The following XPNPEP2 variants were observed in gnomAD, a reference collection of about 807,000 sequenced individuals.
XPNPEP2 encodes X-prolyl aminopeptidase 2, also known as xaa-Pro aminopeptidase 2.
A neutral mutation model predicts 59.8 loss-of-function variants in XPNPEP2; 64 were observed. That is an observed-to-expected ratio of 1.07 (90% CI 0.87 to 1.32). The LOEUF (loss-of-function observed/expected upper bound fraction) is 1.32. Ranked by LOEUF, XPNPEP2 falls within the 40% of genes most tolerant of loss-of-function variation. The pLI is 0.00. For missense variants in XPNPEP2, 575 were observed against 546.8 expected (o/e 1.05, Z -0.51); for synonymous variants, 235 against 210.0 (o/e 1.12, Z -1.03).
chrX:129,762,299 A>G (rs1926671723), intron 18 of XPNPEP2, among the ~76,000 whole-genome samples: 1 of 111,481 alleles, frequency 9.0e-6, no homozygotes, highest in Non-Finnish European at 1.9e-5. Context: ...TCCCAGCTGT[A>G]TATTCAGACG....
intron 15 of XPNPEP2, 138 bp from the exon 16 acceptor site, chrX:129,760,374 A>AT (rs1926633414): frequency 1.6e-6 from 1 of 616,415 alleles, no homozygotes; most frequent in East Asian, 3.5e-5. Context: ...GCAGCCACAC[A>AT]TAACGATGAG....
At position 129,767,644 on chromosome X, in the gene XPNPEP2, G is replaced by C. The variant is rs758006076; in HGVS notation, c.1782G>C (p.Val594=). ...SYLTFEVVSF[V]PYDRNLIDVS... ...TGACCTTTGAAGTGGTATCATTTGT[G>C]CCCTATGACCGGAACCTCATCGATG... The change falls in exon 20 of 21, where the codon GTG becomes GTC. Residue 594 remains valine, a synonymous_variant. Transcript: ENST00000371106. The C allele has an allele frequency of 2.5e-6, 3 of 1,211,642 alleles. No homozygotes were observed. The highest frequency in any genetic ancestry group is 3.4e-6 in the Non-Finnish European group (3 of 895,473).
At chrX:129,745,314 G>A (rs751039803) in intron 4 of XPNPEP2, 48 bp downstream of exon 4, 2 of 1,196,505 alleles carry the variant, frequency 1.7e-6, no homozygotes, top group African/African-American at 1.7e-5. Context: ...AGATCCAGAG[G>A]TGGTCACAGA....
intron 2 of XPNPEP2, among the ~76,000 whole-genome samples, chrX:129,742,982 G>T (rs1167042125): frequency 1.8e-5 from 2 of 111,909 alleles, no homozygotes; most frequent in African/African-American, 3.2e-5. Context: ...GTGCAGACGA[G>T]GAAAAGGCCC....
At chrX:129,767,360 A>G (rs1178272686) in intron 19 of XPNPEP2, among the ~76,000 whole-genome samples, 1 of 112,375 alleles carries the variant, frequency 8.9e-6, no homozygotes, top group Non-Finnish European at 1.9e-5. Flanking sequence ...TTTGAAAAAC[A>G]CAAACCTAAG....
rs1255603142 is a variant in XPNPEP2, at chrX:129,768,338, T to A, written c.1878T>A (p.Gly626=). The part of the protein sequence containing the change: ...RYYQTIREKV[G]PELQRRQLLE... ...ACCAGACCATCCGGGAGAAGGTGGGTCCAGAGCTGCAGAGGCGCCAGCTAC... is the reference window on the plus strand; with the variant it reads ...ACCAGACCATCCGGGAGAAGGTGGGACCAGAGCTGCAGAGGCGCCAGCTAC... Residue 626 remains glycine (G), a synonymous_variant, in exon 21 of 21, where the codon GGT becomes GGA. Transcript: ENST00000371106. 4.1e-6 allele frequency: 5 copies of A among 1,205,043 alleles called. No homozygotes were observed. The highest frequency in any genetic ancestry group is 5.6e-6 in the Non-Finnish European group (5 of 892,607).
intron 1 of XPNPEP2, among the ~76,000 whole-genome samples, chrX:129,739,464 G>A (rs1219180222): frequency 9.0e-6 from 1 of 111,265 alleles, no homozygotes; most frequent in Non-Finnish European, 1.9e-5. Flanking sequence ...CATTCCCCCC[G>A]TTATAGAAAA....
rs781710834 is a variant in XPNPEP2 at position 129,767,655 on chromosome X, G to A, written c.1793G>A (p.Arg598Gln). The A allele has an allele frequency of 1.2e-5, 15 of 1,209,723 alleles. No homozygotes were observed. The highest frequency in any genetic ancestry group is 5.9e-5 in the East Asian group (2 of 33,769). The change falls in exon 20 of 21, where the codon CGG becomes CAG. Residue 598 changes from arginine to glutamine, a missense_variant. Coordinates refer to ENST00000371106, the MANE Select transcript of XPNPEP2 (RefSeq NM_003399.6). ...FEVVSFVPYDRNLIDVSLLSP... is the reference protein window; with the variant it reads ...FEVVSFVPYDQNLIDVSLLSP... ...GTGGTATCATTTGTGCCCTATGACCGGAACCTCATCGATGTCAGCCTGCTG... is the reference window on the plus strand; with the variant it reads ...GTGGTATCATTTGTGCCCTATGACCAGAACCTCATCGATGTCAGCCTGCTG...
chrX:129,740,100 A>T (rs1304477990), intron 1 of XPNPEP2, among the ~76,000 whole-genome samples: 1 of 113,005 alleles, frequency 8.8e-6, no homozygotes, highest in Non-Finnish European at 1.9e-5. Flanking sequence ...CTCAGAGAAC[A>T]GCATATTCTG....
At chrX:129,762,599 CA>C (rs1951238730) in intron 18 of XPNPEP2, 94 bp from the exon 19 acceptor site, 1 of 797,760 alleles carries the variant, frequency 1.3e-6, no homozygotes, top group South Asian at 2.2e-5. Context: ...GACAGCCAGA[CA>C]GCCAGTCCCT....
intron 4 of XPNPEP2, 108 bp downstream of exon 4, chrX:129,745,374 T>C (rs1039051323): frequency 2.2e-6 from 2 of 903,916 alleles, no homozygotes; most frequent in African/African-American, 3.9e-5. Flanking sequence ...GAACCTACTG[T>C]AGAGAAAACC....
At chrX:129,739,398 C>A in intron 1 of XPNPEP2, 136 bp downstream of exon 1, 1 of 637,088 alleles carries the variant, frequency 1.6e-6, no homozygotes, top group Non-Finnish European at 2.4e-6. Context: ...AGAGACACCT[C>A]AGGGCCAGTG....
rs1235673412 is a variant in XPNPEP2 at position 129,751,230 on chromosome X, G to A, written c.740-515G>A. On this transcript the variant is annotated intron_variant, in intron 8 of 20. Coordinates refer to ENST00000371106, the MANE Select transcript of XPNPEP2 (RefSeq NM_003399.6). ...GTGTCAGAAATGCTTGCCTCTGGCCGGGTGCGGTGACTCACGCCTGTAATC... is the reference window on the plus strand; with the variant it reads ...GTGTCAGAAATGCTTGCCTCTGGCCAGGTGCGGTGACTCACGCCTGTAATC... 1.0e-4 allele frequency among the ~76,000 whole-genome samples: 11 copies of A among 108,805 alleles called. No individual in the cohort carries two copies. In the South Asian group the frequency reaches 2.4e-3, roughly 24 times the overall value. The allele number at this position is 108,805 out of a possible 115,157, so 94.5% of individuals were successfully genotyped here.
At chrX:129,765,338 T>C (rs1369934154) in intron 19 of XPNPEP2, among the ~76,000 whole-genome samples, 1 of 112,189 alleles carries the variant, frequency 8.9e-6, no homozygotes, top group African/African-American at 3.2e-5. Context: ...CAAATCACTG[T>C]ATAAACATCT....
At chrX:129,750,670 A>G (rs1926375440) in intron 8 of XPNPEP2, 101 bp downstream of exon 8, 1 of 670,781 alleles carries the variant, frequency 1.5e-6, no homozygotes, top group African/African-American at 2.2e-5. Flanking sequence ...CCAAATAACC[A>G]TGTGCCCACC....
In XPNPEP2 at chrX:129,744,058, C is replaced by T. The variant is rs201222129; in HGVS notation, c.221C>T (p.Thr74Ile). The T allele has an allele frequency of 5.8e-6, 7 of 1,208,439 alleles. No individual in the cohort carries two copies. The highest frequency in any genetic ancestry group is 7.8e-6 in the Non-Finnish European group (7 of 893,816). The change falls in exon 3 of 21, where the codon ACA becomes ATA. Residue 74 changes from threonine to isoleucine, a missense_variant. Physicochemically the swap from Thr to Ile is moderately conservative, Grantham distance 89 (BLOSUM62 -1). Transcript: ENST00000371106. ...CTCTCAGCCTACATCATCCCAGGCA[C>T]AGATGCTCACATGGTAAGAGACAGC... Reference protein sequence around the residue: ...QNLSAYIIPGTDAHMNEYIGQ... With the variant: ...QNLSAYIIPGIDAHMNEYIGQ...
chrX:129,744,597 A>C (rs1485703885), intron 3 of XPNPEP2, among the ~76,000 whole-genome samples: 1 of 112,051 alleles, frequency 8.9e-6, no homozygotes, highest in African/African-American at 3.2e-5. Context: ...CATTTGGAAG[A>C]GAGGGCATTT....
chrX:129,757,146 T>A (rs1279367528), intron 14 of XPNPEP2, among the ~76,000 whole-genome samples: 1 of 104,874 alleles, frequency 9.5e-6, no homozygotes, highest in Non-Finnish European at 1.9e-5. Flanking sequence ...TTGGCCAGGC[T>A]GTTCTCAAAC....
chrX:129,757,424 G>T lies in XPNPEP2; in HGVS notation c.1367+869G>T, dbSNP rs190221413. Among the ~76,000 whole-genome samples the T allele has an allele frequency of 7.3e-4, 80 of 110,256 alleles. 1 individual carries two copies. Among genetic ancestry groups the T allele is most frequent in the African/African-American group, 2.2e-3 (67 of 30,273 alleles). ...CCCCATGGCACTGTTCAGGGTGGAGGTGGGGGCAGATGAGAGAAGCAACCC... is the reference window on the plus strand; with the variant it reads ...CCCCATGGCACTGTTCAGGGTGGAGTTGGGGGCAGATGAGAGAAGCAACCC... On this transcript the variant is annotated intron_variant, in intron 14 of 20. Coordinates refer to ENST00000371106, the MANE Select transcript of XPNPEP2 (RefSeq NM_003399.6).
Sources: gnomAD v4.1 joint callset for allele counts (sites outside exome capture counted in the v4.1 genomes callset) on GRCh38, gnomAD v4.1.1 for gene constraint, MANE v1.5 for transcripts, NCBI Gene and HGNC (gene_info 2026-07-23, HGNC 2026-07-21) for gene names.